PRIM2: variants seen among roughly 807,000 people sequenced by gnomAD.
PRIM2 encodes the protein DNA primase large subunit.
PRIM2 carries 39 observed loss-of-function variants against 67.3 expected under a neutral mutation model. That is an observed-to-expected ratio of 0.58 (90% confidence interval 0.45 to 0.76). The LOEUF is 0.76. Among genes scored for constraint, PRIM2 ranks in the 30% least tolerant of loss-of-function variants. The pLI is 0.00. For missense variants in PRIM2, 398 were observed against 598.7 expected (o/e 0.66, Z 3.50); for synonymous variants, 143 against 198.7 (o/e 0.72, Z 2.36).
chr6:57,525,755 CCT>C (rs1198404864), intron 8 of PRIM2, among the ~76,000 whole-genome samples: 1 of 152,220 alleles, frequency 6.6e-6, no homozygotes, highest in African/African-American at 2.4e-5. Flanking sequence ...GAAGAGACCT[CCT>C]CTCTGCGGGC....
the PRIM2 span, among the ~76,000 whole-genome samples, chr6:57,273,914 T>C: frequency 6.6e-6 from 1 of 152,228 alleles, no homozygotes; most frequent in Non-Finnish European, 1.5e-5. Flanking sequence ...TTTGCCTGGG[T>C]ATCAGCAGCG....
chr6:57,299,397 G>A, the PRIM2 span, among the ~76,000 whole-genome samples: 1 of 152,106 alleles, frequency 6.6e-6, no homozygotes. Flanking sequence ...ACCTTGCATT[G>A]TGTTACATTT....
the PRIM2 span, among the ~76,000 whole-genome samples, chr6:57,259,386 T>C: frequency 6.6e-6 from 1 of 152,052 alleles, no homozygotes; most frequent in East Asian, 1.9e-4. Context: ...AAGAAGAAAA[T>C]TGGAAATATG....
chr6:57,537,889 T>C, intron 10 of PRIM2, among the ~76,000 whole-genome samples: 1 of 152,232 alleles, frequency 6.6e-6, no homozygotes, highest in Non-Finnish European at 1.5e-5. Context: ...TATATATCTG[T>C]AGGAATGTAT....
At chr6:57,515,135 A>G (rs1774455857) in intron 8 of PRIM2, among the ~76,000 whole-genome samples, 1 of 152,194 alleles carries the variant, frequency 6.6e-6, no homozygotes, top group Non-Finnish European at 1.5e-5. Flanking sequence ...ACTTAATATA[A>G]CTAGGTAATA....
chr6:57,305,011 T>A, the PRIM2 span, among the ~76,000 whole-genome samples: 1 of 152,242 alleles, frequency 6.6e-6, no homozygotes, highest in African/African-American at 2.4e-5. Flanking sequence ...GCTCTCAACA[T>A]TGATCTTCAA....
At chr6:57,496,843 T>A (rs1169729735) in intron 7 of PRIM2, among the ~76,000 whole-genome samples, 112 of 152,264 alleles carry the variant, frequency 7.4e-4, no homozygotes, top group Non-Finnish European at 1.4e-3. Flanking sequence ...CTGAAAAAAA[T>A]GTCATCTCTG....
intron 7 of PRIM2, among the ~76,000 whole-genome samples, chr6:57,383,779 A>C (rs1770043663): frequency 6.6e-6 from 1 of 152,184 alleles, no homozygotes; most frequent in South Asian, 2.1e-4. Context: ...GAGTTGCTGA[A>C]TTAACCTATT....
chr6:57,555,220 A>C (rs1438109488), intron 10 of PRIM2, among the ~76,000 whole-genome samples: 1 of 152,178 alleles, frequency 6.6e-6, no homozygotes, highest in African/African-American at 2.4e-5. Flanking sequence ...AATTTGTTAG[A>C]GTGGGGAATG....
chr6:57,638,031 A>G, intron 13 of PRIM2, among the ~76,000 whole-genome samples: 1 of 152,332 alleles, frequency 6.6e-6, no homozygotes, highest in East Asian at 1.9e-4. Flanking sequence ...AGGGAAACCC[A>G]TCAGACTAAC....
the PRIM2 span, among the ~76,000 whole-genome samples, chr6:57,295,800 C>A: frequency 3.3e-4 from 51 of 152,266 alleles, no homozygotes; most frequent in African/African-American, 1.2e-3. Flanking sequence ...TCCTACAAAT[C>A]TTCCATTTCT....
intron 7 of PRIM2, among the ~76,000 whole-genome samples, chr6:57,437,779 C>A (rs1437905508): frequency 6.6e-6 from 1 of 151,638 alleles, no homozygotes; most frequent in African/African-American, 2.4e-5. Context: ...GTTCCTCCTA[C>A]CTAGCCTCTC....
intron 7 of PRIM2, among the ~76,000 whole-genome samples, chr6:57,415,272 A>C (rs1771220315): frequency 6.6e-6 from 1 of 152,200 alleles, no homozygotes; most frequent in African/African-American, 2.4e-5. Context: ...TAAAGTAAGA[A>C]AAGGAATTAC....
chr6:57,534,032 A>G (rs1351269332), intron 9 of PRIM2, among the ~76,000 whole-genome samples: 2 of 152,184 alleles, frequency 1.3e-5, no homozygotes, highest in Non-Finnish European at 2.9e-5. Flanking sequence ...TGATCTTCAC[A>G]ACAGCATGTC....
intron 7 of PRIM2, among the ~76,000 whole-genome samples, chr6:57,418,940 G>A (rs1771372668): frequency 1.3e-5 from 2 of 151,992 alleles, no homozygotes; most frequent in African/African-American, 4.8e-5. Flanking sequence ...TTTTTTCTAG[G>A]AATGTACTTT....
chr6:57,243,990 C>T, the PRIM2 span, among the ~76,000 whole-genome samples: 1 of 152,162 alleles, frequency 6.6e-6, no homozygotes, highest in Non-Finnish European at 1.5e-5. Flanking sequence ...TGCTCAAAAA[C>T]AGAACTATGC....
intron 11 of PRIM2, among the ~76,000 whole-genome samples, chr6:57,605,442 C>A (rs1185168176): frequency 1.4e-4 from 21 of 152,192 alleles, no homozygotes; most frequent in African/African-American, 4.6e-4. Flanking sequence ...ATTCCAGATT[C>A]AATTTCAGAC....
intron 2 of PRIM2, among the ~76,000 whole-genome samples, chr6:57,319,803 G>C (rs1767589647): frequency 6.6e-6 from 1 of 152,194 alleles, no homozygotes; most frequent in Non-Finnish European, 1.5e-5. Flanking sequence ...GAGTAGGAAT[G>C]AGGGGAGGAT....
the PRIM2 span, among the ~76,000 whole-genome samples, chr6:57,299,989 A>G: frequency 6.6e-6 from 1 of 152,290 alleles, no homozygotes; most frequent in Non-Finnish European, 1.5e-5. Flanking sequence ...TTTGTCTGCT[A>G]AAACCTGGGG....
Sources: allele counts gnomAD v4.1 joint callset (sites outside exome capture counted in the v4.1 genomes callset), GRCh38; gene constraint gnomAD v4.1.1; transcripts MANE v1.5; gene names NCBI Gene and HGNC (gene_info 2026-07-23, HGNC 2026-07-21).